CLSTN2: variants seen among roughly 807,000 people sequenced by gnomAD.
CLSTN2 encodes the protein calsyntenin-2.
Under a neutral mutation model 101.2 loss-of-function variants are expected in CLSTN2, and 48 were observed. That is an observed-to-expected ratio of 0.47 (90% CI 0.38 to 0.60). The LOEUF (loss-of-function observed/expected upper bound fraction) is 0.60, where lower values mean the gene tolerates loss of function less well. CLSTN2 is among the 20% of genes least tolerant of loss of function. The pLI is 0.00. For synonymous variants in CLSTN2, 481 were observed against 463.6 expected, an observed-to-expected ratio of 1.04 and a Z score of -0.48; for missense variants, 1,160 against 1,238.2, an observed-to-expected ratio of 0.94 and a Z score of 0.95.
At chr3:140,292,630 C>A (rs890921304) in intron 2 of CLSTN2, among the ~76,000 whole-genome samples, 2 of 152,308 alleles carry the variant, frequency 1.3e-5, no homozygotes, top group Middle Eastern at 3.4e-3. Flanking sequence ...GTTGCACAGT[C>A]AGAAAACTTG....
intron 8 of CLSTN2, among the ~76,000 whole-genome samples, chr3:140,480,430 G>A (rs1934089666): frequency 6.6e-6 from 1 of 152,174 alleles, no homozygotes; most frequent in African/African-American, 2.4e-5. Context: ...CTTTATAGCA[G>A]CATGATTTAT....
At chr3:140,117,747 G>C (rs1002655183) in intron 1 of CLSTN2, among the ~76,000 whole-genome samples, 1 of 152,200 alleles carries the variant, frequency 6.6e-6, no homozygotes, top group African/African-American at 2.4e-5. Context: ...GACAGCAGGG[G>C]CAGATGCAGT....
At chr3:140,234,880 C>T (rs1421561026) in intron 2 of CLSTN2, among the ~76,000 whole-genome samples, 1 of 152,180 alleles carries the variant, frequency 6.6e-6, no homozygotes, top group Non-Finnish European at 1.5e-5. Flanking sequence ...CTCCTCTCTG[C>T]CTGTCTCTTA....
At chr3:140,390,514 C>A (rs530859381) in intron 2 of CLSTN2, among the ~76,000 whole-genome samples, 7 of 152,140 alleles carry the variant, frequency 4.6e-5, no homozygotes, top group Non-Finnish European at 7.3e-5. Flanking sequence ...TGTTTTATGT[C>A]CCAGCATATG....
chr3:140,092,048 G>A (rs550769364), intron 1 of CLSTN2, among the ~76,000 whole-genome samples: 50 of 152,252 alleles, frequency 3.3e-4, no homozygotes, highest in Non-Finnish European at 6.5e-4. Context: ...CTACCAGCCC[G>A]TTGGATCAGC....
intron 8 of CLSTN2, among the ~76,000 whole-genome samples, chr3:140,495,238 A>C (rs1212971946): frequency 1.3e-5 from 2 of 152,048 alleles, no homozygotes; most frequent in Non-Finnish European, 2.9e-5. Flanking sequence ...GCTTTCTGTA[A>C]ATATGTTTGT....
intron 5 of CLSTN2, among the ~76,000 whole-genome samples, chr3:140,422,738 C>A (rs1045686764): frequency 1.8e-4 from 27 of 152,240 alleles, no homozygotes; most frequent in South Asian, 2.1e-4. Context: ...CCTCAGGGAG[C>A]CTGAGCTCTG....
At chr3:140,336,790 T>C (rs1298002252) in intron 2 of CLSTN2, among the ~76,000 whole-genome samples, 4 of 152,186 alleles carry the variant, frequency 2.6e-5, no homozygotes, top group Non-Finnish European at 5.9e-5. Flanking sequence ...TGCTGCTCTG[T>C]GGATTGTGCT....
chr3:139,941,671 G>A (rs1935133773), intron 1 of CLSTN2, among the ~76,000 whole-genome samples: 1 of 152,140 alleles, frequency 6.6e-6, no homozygotes, highest in African/African-American at 2.4e-5. Flanking sequence ...TTGATGGGTG[G>A]GTAGGCATTG....
intron 2 of CLSTN2, among the ~76,000 whole-genome samples, chr3:140,359,212 C>A (rs1229499248): frequency 1.3e-5 from 2 of 151,494 alleles, no homozygotes; most frequent in Non-Finnish European, 2.9e-5. Flanking sequence ...GGGGCTGCAC[C>A]TCCTCATTTC....
At chr3:140,423,009 A>G (rs981480224) in intron 5 of CLSTN2, among the ~76,000 whole-genome samples, 1 of 152,234 alleles carries the variant, frequency 6.6e-6, no homozygotes, top group African/African-American at 2.4e-5. Context: ...TGGAAAGTAT[A>G]TATAAACTCT....
chr3:140,167,249 CTATT>C (rs1218233670), intron 1 of CLSTN2, among the ~76,000 whole-genome samples: 1 of 152,236 alleles, frequency 6.6e-6, no homozygotes, highest in African/African-American at 2.4e-5. Context: ...ATAAACCAAA[CTATT>C]TACATTTCCC....
chr3:140,497,079 T>G, intron 8 of CLSTN2, among the ~76,000 whole-genome samples: 1 of 138,930 alleles, frequency 7.2e-6, no homozygotes, highest in Admixed American at 8.0e-5. Context: ...CTAGCTTGGG[T>G]GACACAGCGA....
chr3:140,491,592 C>T (rs747936800), intron 8 of CLSTN2, among the ~76,000 whole-genome samples: 8 of 152,194 alleles, frequency 5.3e-5, no homozygotes, highest in South Asian at 4.1e-4. Context: ...GAGGCCAAGG[C>T]GGGCAGATTG....
intron 1 of CLSTN2, among the ~76,000 whole-genome samples, chr3:140,062,805 T>A (rs2008229576): frequency 6.6e-6 from 1 of 152,106 alleles, no homozygotes; most frequent in Admixed American, 6.5e-5. Context: ...TCTGGGCCCA[T>A]TTCCTTGTCT....
intron 2 of CLSTN2, among the ~76,000 whole-genome samples, chr3:140,354,060 G>A (rs1320793406): frequency 6.6e-6 from 1 of 152,200 alleles, no homozygotes; most frequent in Non-Finnish European, 1.5e-5. Context: ...ATGCTGGCTT[G>A]TTCTGTAATG....
At chr3:140,025,177 C>T (rs2007393173) in intron 1 of CLSTN2, among the ~76,000 whole-genome samples, 1 of 152,140 alleles carries the variant, frequency 6.6e-6, no homozygotes, top group Non-Finnish European at 1.5e-5. Context: ...CATTGTTACC[C>T]AAGCAATTTT....
chr3:140,152,844 A>G (rs2009888507), intron 1 of CLSTN2, among the ~76,000 whole-genome samples: 1 of 152,216 alleles, frequency 6.6e-6, no homozygotes, highest in Non-Finnish European at 1.5e-5. Flanking sequence ...GAGATAATCT[A>G]CATACCCAAG....
rs556086326 is a variant in CLSTN2 at position 140,016,376 on chromosome 3, C to T, written c.109+80893C>T. ...AAAATTTTAGAAAACATCTGACGTGCTAGGATAGGAATAGAATAGAATACG... is the reference window on the plus strand; with the variant it reads ...AAAATTTTAGAAAACATCTGACGTGTTAGGATAGGAATAGAATAGAATACG... On this transcript the variant is annotated intron_variant, in intron 1 of 16. Transcript: ENST00000458420. 2.0e-5 allele frequency among the ~76,000 whole-genome samples: 3 copies of T among 152,170 alleles called. No individual in the cohort carries two copies. The South Asian group carries it at 6.2e-4, about 32-fold the overall frequency.
Sources: gnomAD v4.1 joint callset for allele counts (sites outside exome capture counted in the v4.1 genomes callset) on GRCh38, gnomAD v4.1.1 for gene constraint, MANE v1.5 for transcripts, NCBI Gene and HGNC (gene_info 2026-07-23, HGNC 2026-07-21) for gene names.